The following CABLES1 variants were observed in gnomAD, a reference collection of about 807,000 sequenced individuals.
CABLES1 encodes Cdk5 and Abl enzyme substrate 1.
A neutral mutation model predicts 57.8 loss-of-function variants in CABLES1; 36 were observed. The observed-to-expected ratio is 0.62, with a 90% confidence interval of 0.48 to 0.82. The LOEUF is 0.82. Ranked by LOEUF, CABLES1 falls within the 40% of genes least tolerant of loss-of-function variation. The pLI is 0.00. For synonymous variants in CABLES1, 374 were observed against 363.0 expected (o/e 1.03, Z -0.35); for missense variants, 767 against 836.6 (o/e 0.92, Z 1.03).
chr18:23,234,533 C>T (rs2047588818), intron 4 of CABLES1, 75 bp from the exon 5 acceptor site: 3 of 1,047,778 alleles, frequency 2.9e-6, no homozygotes, highest in Admixed American at 3.8e-5. Context: ...TGTGTTGTCT[C>T]ATGGAGTAAG....
chr18:23,197,549 G>A (rs1300334118), intron 3 of CABLES1: 22 of 152,588 alleles, frequency 1.4e-4, no homozygotes, highest in Admixed American at 1.4e-3. Context: ...GTTGGGCCAG[G>A]TGGAGGCTAA....
chr18:23,176,072 G>A (rs1372904233), intron 1 of CABLES1, among the ~76,000 whole-genome samples: 1 of 152,200 alleles, frequency 6.6e-6, no homozygotes, highest in East Asian at 1.9e-4. Flanking sequence ...GTGGAGGAAG[G>A]TAGGATTTGG....
At chr18:23,235,326 G>C (rs1212875416) in intron 5 of CABLES1, among the ~76,000 whole-genome samples, 1 of 152,228 alleles carries the variant, frequency 6.6e-6, no homozygotes, top group Non-Finnish European at 1.5e-5. Flanking sequence ...GAGGCTGCTG[G>C]GAGCTCAAGG....
At chr18:23,220,751 A>G (rs7236739) in intron 4 of CABLES1, among the ~76,000 whole-genome samples, 45,923 of 152,120 alleles carry the variant, frequency 0.3, 7,377 homozygotes, top group Admixed American at 0.46. Flanking sequence ...TGTAGCTTTC[A>G]GAAGGCTTTG....
chr18:23,202,809 A>G (rs1263825774), intron 3 of CABLES1, among the ~76,000 whole-genome samples: 1 of 152,008 alleles, frequency 6.6e-6, no homozygotes, highest in Non-Finnish European at 1.5e-5. Flanking sequence ...ACACAGTGAA[A>G]CCCCATCTCT....
At chr18:23,194,742 C>T (rs952627007) in intron 3 of CABLES1, among the ~76,000 whole-genome samples, 1 of 152,188 alleles carries the variant, frequency 6.6e-6, no homozygotes, top group Non-Finnish European at 1.5e-5. Context: ...ATAATGAATG[C>T]TCTCTAAGGC....
At chr18:23,135,111 C>T (rs1272629104), upstream of CABLES1, among the ~76,000 whole-genome samples, 1 of 152,204 alleles carries the variant, frequency 6.6e-6, no homozygotes, top group Non-Finnish European at 1.5e-5. Context: ...AGGAGCACAG[C>T]CCCAGGACCT....
At chr18:23,233,804 G>A (rs887258228) in intron 4 of CABLES1, among the ~76,000 whole-genome samples, 1 of 152,236 alleles carries the variant, frequency 6.6e-6, no homozygotes, top group African/African-American at 2.4e-5. Context: ...CAAGGTAGAA[G>A]TGACTACTGT....
intron 1 of CABLES1, among the ~76,000 whole-genome samples, chr18:23,156,213 G>A (rs1161822241): frequency 1.3e-5 from 2 of 152,174 alleles, no homozygotes; most frequent in Non-Finnish European, 2.9e-5. Context: ...ACAGGGGCTG[G>A]GCCATAGGCT....
At chr18:23,240,695 C>T (rs1383433158) in intron 7 of CABLES1, among the ~76,000 whole-genome samples, 1 of 152,228 alleles carries the variant, frequency 6.6e-6, no homozygotes, top group African/African-American at 2.4e-5. Flanking sequence ...GCCCCAGAGT[C>T]CTGCTGCCTG....
chr18:23,197,386 T>C (rs1444267459), intron 3 of CABLES1: 1 of 152,056 alleles, frequency 6.6e-6, no homozygotes, highest in Non-Finnish European at 1.5e-5. Context: ...GTGGTTGCGA[T>C]GGAGGATGGA....
chr18:23,159,955 A>G (rs1040457832), intron 1 of CABLES1, among the ~76,000 whole-genome samples: 2 of 151,936 alleles, frequency 1.3e-5, no homozygotes, highest in Non-Finnish European at 1.5e-5. Context: ...GAAGAATCAT[A>G]AGTAACACTT....
At chr18:23,148,200 A>G (rs2046905642) in intron 1 of CABLES1, among the ~76,000 whole-genome samples, 1 of 151,982 alleles carries the variant, frequency 6.6e-6, no homozygotes, top group Non-Finnish European at 1.5e-5. Flanking sequence ...CATGATAGCC[A>G]GGGTGGTCTC....
intron 3 of CABLES1, among the ~76,000 whole-genome samples, chr18:23,204,139 C>T (rs2047345729): frequency 6.6e-6 from 1 of 152,188 alleles, no homozygotes; most frequent in Non-Finnish European, 1.5e-5. Flanking sequence ...TGGCTTTATT[C>T]ACCTGGCACT....
intron 7 of CABLES1, among the ~76,000 whole-genome samples, chr18:23,244,855 C>T (rs1162558531): frequency 2.0e-5 from 3 of 152,270 alleles, no homozygotes; most frequent in Non-Finnish European, 4.4e-5. Flanking sequence ...GAACAGTGGC[C>T]GAGTGTACGG....
Position 23,206,817 on chromosome 18 carries a change from C to CTTT in CABLES1, c.1011-7147_1011-7145dup, listed in dbSNP as rs774150949. ...TTTTCACATTCTTTAGTTTGTGCAC[C>CTTT]TTTTTTTTTTTTTTTGCGACGGGGT... On this transcript the variant is annotated intron_variant, in intron 3 of 9. Coordinates refer to ENST00000256925, the MANE Select transcript of CABLES1 (RefSeq NM_001100619.3). Among the ~76,000 whole-genome samples, 389 of 137,352 alleles carry CTTT rather than the reference C, an allele frequency of 2.8e-3. 3 individuals are homozygous for CTTT. Among genetic ancestry groups the CTTT allele is most frequent in the African/African-American group, 9.0e-3 (335 of 37,274 alleles). 90.1% of individuals were successfully genotyped at this position (137,352 alleles called of 152,430 possible). A position where few individuals can be genotyped will look rare whatever the true frequency, so the allele number is the denominator to read the frequency against.
Position 23,213,526 on chromosome 18 carries a change from T to C in CABLES1, c.1011-451T>C, listed in dbSNP as rs1487739084. On this transcript the variant is annotated intron_variant, in intron 3 of 9. Transcript: ENST00000256925. ...TGTTGCCAGCAGATGAAAAACCTAA[T>C]GATCATAATGGCCTCTGAGTGTCTT... 2.0e-5 allele frequency among the ~76,000 whole-genome samples: 3 copies of C among 152,238 alleles called. No homozygotes were observed. The East Asian group carries it at 5.8e-4, about 29-fold the overall frequency.
chr18:23,175,651 G>A (rs1420483682), intron 1 of CABLES1, among the ~76,000 whole-genome samples: 1 of 152,126 alleles, frequency 6.6e-6, no homozygotes, highest in Admixed American at 6.5e-5. Context: ...GTTTTGCCAT[G>A]TTGCCCAGGC....
chr18:23,177,537 C>T (rs1172883460), intron 1 of CABLES1, among the ~76,000 whole-genome samples: 3 of 152,066 alleles, frequency 2.0e-5, no homozygotes, highest in Non-Finnish European at 4.4e-5. Context: ...GGTCTCTGTC[C>T]GGGTCCTCCT....
Sources: gnomAD v4.1 joint callset for allele counts (sites outside exome capture counted in the v4.1 genomes callset) on GRCh38, gnomAD v4.1.1 for gene constraint, MANE v1.5 for transcripts, NCBI Gene and HGNC (gene_info 2026-07-23, HGNC 2026-07-21) for gene names.